Variants in HHLA1 observed in about 807,000 individuals in gnomAD.
HHLA1 encodes the protein HERV-H LTR-associating protein 1.
Under a neutral mutation model 69.9 loss-of-function variants are expected in HHLA1, and 72 were observed. That is an observed-to-expected ratio of 1.03 (90% CI 0.85 to 1.25). HHLA1 has a LOEUF of 1.25. Ranked by LOEUF, HHLA1 falls within the 50% of genes most tolerant of loss-of-function variation. The probability of loss-of-function intolerance (pLI) is 0.00; values close to 1 mark genes in which losing one functional copy is unlikely to be tolerated. For missense variants in HHLA1, 685 were observed against 642.2 expected, an observed-to-expected ratio of 1.07 and a Z score of -0.72; for synonymous variants, 252 against 233.2, an observed-to-expected ratio of 1.08 and a Z score of -0.73.
In HHLA1 at chr8:132,061,844, C is replaced by G. The variant is rs1823358159; in HGVS notation, c.*2151G>C. On this transcript the variant is annotated 3_prime_UTR_variant, in exon 17 of 17. Coordinates refer to ENST00000414222, the MANE Select transcript of HHLA1 (RefSeq NM_001145095.3). ...TGTAGAAAACTGGCCCCAAGGAGTC[C>G]TCTGAGCCTTTGTCCTTGATGCTAG... The G allele has an allele frequency of 6.6e-6, 1 of 152,216 alleles. No homozygotes were observed. Among genetic ancestry groups the G allele is most frequent in the South Asian group, 2.1e-4 (1 of 4,822 alleles). 9.4% of individuals were successfully genotyped at this position (152,216 alleles called of 1,614,324 possible).
chr8:132,071,544 T>G, intron 14 of HHLA1, 51 bp from the exon 15 acceptor site: 5 of 1,522,440 alleles, frequency 3.3e-6, no homozygotes, highest in Non-Finnish European at 4.5e-6. Flanking sequence ...TTAGTAAGCA[T>G]CTTCTCTTCG....
intron 10 of HHLA1, among the ~76,000 whole-genome samples, chr8:132,086,467 G>T (rs1426924677): frequency 6.6e-6 from 1 of 152,204 alleles, no homozygotes; most frequent in Non-Finnish European, 1.5e-5. Flanking sequence ...CAGACATGGG[G>T]CTAAGTACAT....
At chr8:132,086,363 G>A (rs1183049823) in intron 10 of HHLA1, among the ~76,000 whole-genome samples, 2 of 152,152 alleles carry the variant, frequency 1.3e-5, no homozygotes, top group Middle Eastern at 3.2e-3. Flanking sequence ...CTAATTGCAG[G>A]AGTGGCCTTG....
At chr8:132,095,122 T>A (rs115991300) in intron 7 of HHLA1, among the ~76,000 whole-genome samples, 1 of 152,224 alleles carries the variant, frequency 6.6e-6, no homozygotes, top group South Asian at 2.1e-4. Context: ...AACATTGTGC[T>A]CTTTGTATTT....
intron 2 of HHLA1, among the ~76,000 whole-genome samples, chr8:132,104,763 T>C (rs1268266554): frequency 1.3e-5 from 2 of 151,964 alleles, no homozygotes; most frequent in African/African-American, 4.8e-5. Context: ...CCTGGTACAC[T>C]ACACAGAGAG....
rs769892906 is a variant in HHLA1 at position 132,079,708 on chromosome 8, TGCATCTTACCCAAG to T, written c.921_925+9del. 57 of 1,538,338 alleles carry T rather than the reference TGCATCTTACCCAAG, an allele frequency of 3.7e-5. No homozygotes were observed. The highest frequency in any genetic ancestry group is 4.6e-5 in the Non-Finnish European group (53 of 1,141,152). The stretch of plus-strand genomic sequence containing the variant: ...AGCAAAGGGGAGGAAAGGGTGAGAA[TGCATCTTACCCAAG>T]GCTGGGAGAGTGTGGGAGGCACTGA... On this transcript the variant is annotated splice_donor_variant and splice_donor_5th_base_variant and coding_sequence_variant and intron_variant, in exon 11 of 17. Transcript: ENST00000414222. LOFTEE classifies it high-confidence loss of function.
chr8:132,098,977 G>T lies in HHLA1; in HGVS notation c.200-15C>A. On this transcript the variant is annotated splice_polypyrimidine_tract_variant and intron_variant, in intron 4 of 16. Coordinates refer to ENST00000414222, the MANE Select transcript of HHLA1 (RefSeq NM_001145095.3). ...TGCGGGCAGCTCTGAAAGAGATTCAGAGATAATGTCACTGGCAGGCTTTTC... is the reference window on the plus strand; with the variant it reads ...TGCGGGCAGCTCTGAAAGAGATTCATAGATAATGTCACTGGCAGGCTTTTC... 4 of 1,523,296 alleles carry T rather than the reference G, an allele frequency of 2.6e-6. No homozygotes were observed. Among genetic ancestry groups the T allele is most frequent in the Non-Finnish European group, 3.5e-6 (4 of 1,129,088 alleles). 94.4% of individuals were successfully genotyped at this position (1,523,296 alleles called of 1,614,324 possible). A position where few individuals can be genotyped will look rare whatever the true frequency, so the allele number is the denominator to read the frequency against.
At chr8:132,067,710 T>A (rs1352103547) in intron 15 of HHLA1, among the ~76,000 whole-genome samples, 1 of 152,224 alleles carries the variant, frequency 6.6e-6, no homozygotes, top group Non-Finnish European at 1.5e-5. Flanking sequence ...TATTATTTCA[T>A]TTCATTTTGT....
chr8:132,081,883 A>G (rs1022785844), intron 10 of HHLA1, among the ~76,000 whole-genome samples: 4 of 152,188 alleles, frequency 2.6e-5, no homozygotes, highest in Non-Finnish European at 5.9e-5. Context: ...CCACGATGGA[A>G]AGGAAATGAG....
chr8:132,101,053 C>CA (rs1449928430), intron 3 of HHLA1: 1 of 1,066,682 alleles, frequency 9.4e-7, no homozygotes, highest in Non-Finnish European at 1.3e-6. Flanking sequence ...GAAGCTGGTA[C>CA]AAAAAAAGCT....
At chr8:132,086,023 T>A (rs906434873) in intron 10 of HHLA1, among the ~76,000 whole-genome samples, 1 of 152,010 alleles carries the variant, frequency 6.6e-6, no homozygotes, top group African/African-American at 2.4e-5. Flanking sequence ...AAAGTGAAAT[T>A]TGGGGGAATA....
At chr8:132,087,463 G>C (rs948915079) in intron 10 of HHLA1, among the ~76,000 whole-genome samples, 190 bp downstream of exon 10, 1 of 152,166 alleles carries the variant, frequency 6.6e-6, no homozygotes, top group South Asian at 2.1e-4. Flanking sequence ...GTGTTGGGGG[G>C]AAGATCTAGA....
At position 132,092,916 on chromosome 8, in the gene HHLA1, C is replaced by G. The variant is rs527886246; in HGVS notation, c.448+2603G>C. Among the ~76,000 whole-genome samples, 5 of 152,266 alleles carry G rather than the reference C, an allele frequency of 3.3e-5. No homozygotes were observed. In the South Asian group the frequency reaches 1.0e-3, roughly 32 times the overall value. On this transcript the variant is annotated intron_variant, in intron 7 of 16. Transcript: ENST00000414222. ...GGCAAAGCAACAAGCTAGAAGGAGC[C>G]TGGGCCCCAAAACCATCAAACCATT...
chr8:132,065,505 A>G (rs1170732170), intron 16 of HHLA1, among the ~76,000 whole-genome samples: 2 of 152,130 alleles, frequency 1.3e-5, no homozygotes, highest in African/African-American at 4.8e-5. Context: ...GATGGTCTCG[A>G]TCTCCTGACC....
At chr8:132,094,050 T>C (rs913474593) in intron 7 of HHLA1, among the ~76,000 whole-genome samples, 1 of 152,164 alleles carries the variant, frequency 6.6e-6, no homozygotes, top group Non-Finnish European at 1.5e-5. Flanking sequence ...CACAAAGATG[T>C]CCAAGGCAAA....
At chr8:132,080,542 C>T (rs1823733707) in intron 10 of HHLA1, 1 of 193,624 alleles carries the variant, frequency 5.2e-6, no homozygotes, top group South Asian at 9.9e-5. Context: ...GCCATTTACA[C>T]TTCTTTTGTG....
intron 10 of HHLA1, among the ~76,000 whole-genome samples, chr8:132,083,353 A>G (rs1474124250): frequency 6.6e-6 from 1 of 151,940 alleles, no homozygotes; most frequent in Non-Finnish European, 1.5e-5. Flanking sequence ...CAAGGGAAAC[A>G]GGCCCTTGAA....
At chr8:132,104,842 A>T (rs1824177303) in intron 2 of HHLA1, among the ~76,000 whole-genome samples, 1 of 152,166 alleles carries the variant, frequency 6.6e-6, no homozygotes, top group South Asian at 2.1e-4. Context: ...AAGATGACCT[A>T]ACAAGATTTA....
At chr8:132,091,197 C>A (rs1217671631) in intron 7 of HHLA1, among the ~76,000 whole-genome samples, 1 of 152,168 alleles carries the variant, frequency 6.6e-6, no homozygotes. Flanking sequence ...TTACCAGGTA[C>A]TGGAGAGTTG....
Sources: allele counts gnomAD v4.1 joint callset (sites outside exome capture counted in the v4.1 genomes callset), GRCh38; gene constraint gnomAD v4.1.1; transcripts MANE v1.5; gene names NCBI Gene and HGNC (gene_info 2026-07-23, HGNC 2026-07-21).